The following HAP1 variants were observed in gnomAD, a reference collection of about 807,000 sequenced individuals.
HAP1 encodes huntingtin associated protein 1.
Under a neutral mutation model 60.3 loss-of-function variants are expected in HAP1, and 59 were observed. The ratio of observed to expected loss-of-function variants is 0.98; its 90% CI spans 0.79 to 1.22. HAP1 has a LOEUF of 1.22. Among genes scored for constraint, HAP1 ranks in the 50% most tolerant of loss-of-function variants. The pLI is 0.00. For synonymous variants in HAP1, 346 were observed against 330.6 expected (o/e 1.05, Z -0.50); for missense variants, 825 against 785.3 (o/e 1.05, Z -0.60).
At chr17:41,725,724 G>GA (rs1555588617) in intron 10 of HAP1, 135 bp downstream of exon 10, 1 of 745,956 alleles carries the variant, frequency 1.3e-6, no homozygotes, top group African/African-American at 1.7e-5. Context: ...CTCCTTCCCA[G>GA]AACAGTTCTC....
intron 6 of HAP1, among the ~76,000 whole-genome samples, chr17:41,729,820 G>A (rs1332657099): frequency 7.0e-6 from 1 of 143,000 alleles, no homozygotes; most frequent in African/African-American, 2.6e-5. Flanking sequence ...AGGTTGCAGT[G>A]AGCTGAGATC....
Position 41,732,769 on chromosome 17 carries a change from T to A in HAP1, c.499A>T (p.Lys167Ter). The A allele has an allele frequency of 9.3e-6, 15 of 1,612,972 alleles. No homozygotes were observed. Among genetic ancestry groups the A allele is most frequent in the Non-Finnish European group, 1.3e-5 (15 of 1,178,940 alleles). The change falls in exon 2 of 11, where the codon AAA becomes TAA. Residue 167 changes from lysine to a stop codon, truncating the protein, a stop_gained. Transcript: ENST00000347901. LOFTEE classifies it high-confidence loss of function. ...TTGACGTCTTCCTGGGTGATCTTTT[T>A]GACTGGCGGAGGTAGGTTAGGACAC... is the stretch of plus-strand genomic sequence containing the variant. ...ALCPNLPPPVKKITQEDVKVM... is the reference protein window; with the variant it reads ...ALCPNLPPPV
rs782451864 is a variant in HAP1 at position 41,724,938 on chromosome 17, C to T, written c.1623G>A (p.Glu541=). 1.9e-6 allele frequency: 3 copies of T among 1,613,086 alleles called. No homozygotes were observed. The highest frequency in any genetic ancestry group is 1.3e-5 in the African/African-American group (1 of 75,050). ...ELVSEETEGW[E]EVELELDEAT... ...CCTCATCCAGCTCCAGTTCCACCTC[C>T]TCCCAGCCCTCGGTCTCCTCTGACA... Residue 541 remains glutamate, a synonymous_variant, in exon 11 of 11, where the codon GAG becomes GAA. Coordinates refer to ENST00000347901, the MANE Select transcript of HAP1 (RefSeq NM_177977.3).
downstream of HAP1, chr17:41,721,537 C>T (rs191453982): frequency 1.7e-4 from 33 of 197,040 alleles, no homozygotes; most frequent in African/African-American, 7.2e-4. Flanking sequence ...TCAAAGCTGG[C>T]AATTTCCCCC....
chr17:41,730,516 G>C (rs547464073), intron 6 of HAP1: 1 of 152,400 alleles, frequency 6.6e-6, no homozygotes, highest in South Asian at 2.1e-4. Flanking sequence ...GGCAGCCCGA[G>C]TGGGGAGGGG....
chr17:41,722,822 G>T lies in HAP1; in HGVS notation c.*1879C>A. On this transcript the variant is annotated 3_prime_UTR_variant, in exon 11 of 11. Coordinates refer to ENST00000347901, the MANE Select transcript of HAP1 (RefSeq NM_177977.3). ...ACATGGAAGAGGAAGCCAGGGGCAG[G>T]GAGGGGGGGATCAAGACAGAGGGGA... The T allele has an allele frequency of 6.6e-6, 1 of 152,370 alleles. No individual in the cohort carries two copies. The allele number at this position is 152,370 out of a possible 1,614,324, so 9.4% of individuals were successfully genotyped here.
In HAP1 at chr17:41,732,794, C is replaced by G. The variant is rs1189617811; in HGVS notation, c.474G>C (p.Leu158=). Residue 158 remains leucine (L), a synonymous_variant, in exon 2 of 11, where the codon CTG becomes CTC. Transcript: ENST00000347901. Reference sequence around the variant, plus strand: ...TGACTGGCGGAGGTAGGTTAGGACACAGTGCTGCAGGAGGCGGCAGGTGGG... The same window carrying G: ...TGACTGGCGGAGGTAGGTTAGGACAGAGTGCTGCAGGAGGCGGCAGGTGGG... The part of the protein sequence containing the change: ...AAFIRELEEA[L]CPNLPPPVKK... 6.2e-7 allele frequency: 1 copy of G among 1,601,472 alleles called. No homozygotes were observed. The highest frequency in any genetic ancestry group is 8.6e-7 in the Non-Finnish European group (1 of 1,168,682).
In HAP1 at chr17:41,730,127, A is replaced by AAGAAAG. The variant is rs61024958; in HGVS notation, c.1069+1365_1069+1366insCTTTCT. ...AGAAAAGAAAAGAAAGAAAGAAAGA[A>AAGAAAG]AAAATGAGGTCTTGCCAGGTTCCCA... On this transcript the variant is annotated intron_variant, in intron 6 of 10. Transcript: ENST00000347901. 3.3e-4 allele frequency: 2 copies of AAGAAAG among 6,110 alleles called. 1 individual carries two copies. The highest frequency in any genetic ancestry group is 1.8e-3 in the African/African-American group (2 of 1,116). 0.4% of individuals were successfully genotyped at this position (6,110 alleles called of 1,614,324 possible). A position where few individuals can be genotyped will look rare whatever the true frequency, so the allele number is the denominator to read the frequency against.
chr17:41,720,171 G>A (rs571927850), downstream of HAP1, among the ~76,000 whole-genome samples: 48 of 151,716 alleles, frequency 3.2e-4, no homozygotes, highest in African/African-American at 9.0e-4. Context: ...TTACAGGCAT[G>A]AGCCACCGCG....
Position 41,734,585 on chromosome 17 carries a change from G to C in HAP1, c.50C>G (p.Pro17Arg). 6.3e-7 allele frequency: 1 copy of C among 1,581,852 alleles called. No homozygotes were observed. Among genetic ancestry groups the C allele is most frequent in the Non-Finnish European group, 8.6e-7 (1 of 1,164,914 alleles). The change falls in exon 1 of 11, where the codon CCC becomes CGC. Residue 17 changes from proline (P) to arginine (R), a missense_variant. Pro to Arg is a moderately radical substitution (Grantham distance 103). Transcript: ENST00000347901. ...ACAGGTGAGTGCTGCTGGGTCCCCG[G>C]GTCCGAGCCGGCTCCCCGCGCAGCA... is the stretch of plus-strand genomic sequence containing the variant. ...GRCCAGSRLG[P>R]GDPAALTCAP...
At chr17:41,726,937 G>A (rs541923527) in intron 9 of HAP1, 116 bp downstream of exon 9, 2 of 627,450 alleles carry the variant, frequency 3.2e-6, no homozygotes, top group East Asian at 5.5e-5. Flanking sequence ...AGGGGCTGAT[G>A]CAGTGAACGA....
intron 1 of HAP1, among the ~76,000 whole-genome samples, chr17:41,733,144 C>A (rs1299075981): frequency 2.7e-5 from 4 of 148,762 alleles, no homozygotes; most frequent in African/African-American, 7.5e-5. Flanking sequence ...GTCTGCCTCC[C>A]AGATTCAAGC....
downstream of HAP1, among the ~76,000 whole-genome samples, chr17:41,718,437 T>C (rs1377606854): frequency 1.3e-5 from 2 of 152,156 alleles, no homozygotes; most frequent in Non-Finnish European, 1.5e-5. Context: ...CCTGCCCCCC[T>C]GGGCTGCCAT....
chr17:41,727,909 T>C (rs1379245247), intron 7 of HAP1, 73 bp from the exon 8 acceptor site: 1 of 934,514 alleles, frequency 1.1e-6, no homozygotes, highest in Non-Finnish European at 1.7e-6. Context: ...TTCCAGCAAG[T>C]CTTCCCAGGC....
rs782172192 is a variant in HAP1, at chr17:41,724,861, G to A, written c.1700C>T (p.Pro567Leu). 2 of 1,613,650 alleles carry A rather than the reference G, an allele frequency of 1.2e-6. No individual in the cohort carries two copies. Among genetic ancestry groups the A allele is most frequent in the East Asian group, 2.2e-5 (1 of 44,882 alleles). The change falls in exon 11 of 11, where the codon CCT (proline) becomes CTT (leucine). Residue 567 changes from proline (P) to leucine (L), a missense_variant. By Grantham distance (98) the Pro-to-Leu change is moderately conservative. Transcript: ENST00000347901. ...TSALEASGLG[P>L]SHLDMNYVLQ... ...GACATAATTCATGTCCAGGTGTGAAGGGCCCAAGCCGCTGGCCTCCAGGGC... is the reference window on the plus strand; with the variant it reads ...GACATAATTCATGTCCAGGTGTGAAAGGCCCAAGCCGCTGGCCTCCAGGGC...
intron 9 of HAP1, 121 bp from the exon 10 acceptor site, chr17:41,726,018 C>T: frequency 1.3e-6 from 1 of 762,832 alleles, no homozygotes. Context: ...GCCTGTAATC[C>T]CAGCACTTTG....
At chr17:41,733,036 T>G (rs71367905) in intron 1 of HAP1, among the ~76,000 whole-genome samples, 1 of 44,502 alleles carries the variant, frequency 2.2e-5, no homozygotes, top group African/African-American at 9.9e-5. Flanking sequence ...GGGTTTTTTT[T>G]GGTTTTTTTT....
chr17:41,733,585 C>T (rs1342699961), intron 1 of HAP1, among the ~76,000 whole-genome samples: 1 of 151,876 alleles, frequency 6.6e-6, no homozygotes, highest in Non-Finnish European at 1.5e-5. Flanking sequence ...GCACCTGTTG[C>T]GTGTGCAGAG....
rs1555588431 is a variant in HAP1, at chr17:41,725,084, C to G, written c.1477G>C (p.Ala493Pro). ...GFEAEEGLML[A>P]ADIMRGEDFT... Reference sequence around the variant, plus strand: ...TCTTCCCCCCGCATGATATCCGCTGCCAGCATCAACCCTTCCTCAGCCTCA... The same window carrying G: ...TCTTCCCCCCGCATGATATCCGCTGGCAGCATCAACCCTTCCTCAGCCTCA... Residue 493 changes from alanine to proline, a missense_variant, in exon 11 of 11, where the codon GCA becomes CCA. Ala to Pro is a conservative substitution (Grantham distance 27). Transcript: ENST00000347901. 5 of 1,613,312 alleles carry G rather than the reference C, an allele frequency of 3.1e-6. No individual in the cohort carries two copies. In the African/African-American group the frequency reaches 6.7e-5, roughly 22 times the overall value.
Sources: gnomAD v4.1 joint callset for allele counts (sites outside exome capture counted in the v4.1 genomes callset) on GRCh38, gnomAD v4.1.1 for gene constraint, MANE v1.5 for transcripts, NCBI Gene and HGNC (gene_info 2026-07-23, HGNC 2026-07-21) for gene names.